The following USP43 variants were observed in gnomAD, a reference collection of about 807,000 sequenced individuals.
USP43 encodes the protein ubiquitin carboxyl-terminal hydrolase 43.
In USP43, 33 loss-of-function variants were observed where a neutral mutation model predicts 90.7. The ratio of observed to expected loss-of-function variants is 0.36; its 90% CI spans 0.28 to 0.49. The LOEUF (loss-of-function observed/expected upper bound fraction) is 0.49. Among genes scored for constraint, USP43 ranks in the 20% least tolerant of loss-of-function variants. USP43 has a pLI of 0.98. For synonymous variants in USP43, 598 were observed against 615.8 expected (o/e 0.97, Z 0.43); for missense variants, 1,274 against 1,476.4 (o/e 0.86, Z 2.25).
At position 9,674,586 on chromosome 17, in the gene USP43, A is replaced by C. The variant is rs1913644531; in HGVS notation, c.741-305A>C. Among the ~76,000 whole-genome samples the C allele has an allele frequency of 6.6e-6, 1 of 152,170 alleles. No homozygotes were observed. Among genetic ancestry groups the C allele is most frequent in the South Asian group, 2.1e-4 (1 of 4,828 alleles). Reference sequence around the variant, plus strand: ...TGTTTTCAAGGTTCATCCACGTTGTAGTATGGACCAGGGGTTCATTCCTTT... The same window carrying C: ...TGTTTTCAAGGTTCATCCACGTTGTCGTATGGACCAGGGGTTCATTCCTTT... On this transcript the variant is annotated intron_variant, in intron 3 of 14. Coordinates refer to ENST00000285199, the MANE Select transcript of USP43 (RefSeq NM_153210.5). This position sits in a 1 kb window ranked among gnomAD's most constrained non-coding sequence, Gnocchi z 4.4.
chr17:9,665,139 A>G (rs1276823987), intron 2 of USP43, among the ~76,000 whole-genome samples: 1 of 152,138 alleles, frequency 6.6e-6, no homozygotes, highest in African/African-American at 2.4e-5. Context: ...GAAAGGTCAT[A>G]TAACTCATTT....
At chr17:9,720,197 G>A (rs1362914395) in intron 14 of USP43, among the ~76,000 whole-genome samples, 4 of 151,036 alleles carry the variant, frequency 2.6e-5, no homozygotes, top group African/African-American at 9.7e-5. Flanking sequence ...ATGGTGGTGT[G>A]TGCCTGTAGT....
intron 3 of USP43, 33 bp downstream of exon 3, chr17:9,666,784 C>G: frequency 6.5e-7 from 1 of 1,538,074 alleles, no homozygotes; most frequent in Non-Finnish European, 8.9e-7. Flanking sequence ...ATGTATCACC[C>G]GAGGGCTCCG....
chr17:9,656,418 T>C lies in USP43; in HGVS notation c.520T>C (p.Tyr174His), dbSNP rs1912249689. The part of the protein sequence containing the change: ...SAEFKNAVSK[Y>H]GSQFQGNSQH... Reference sequence around the variant, plus strand: ...TTCCTTTCAGAATGCAGTTTCCAAGTACGGCTCTCAGTTCCAAGGCAATTC... The same window carrying C: ...TTCCTTTCAGAATGCAGTTTCCAAGCACGGCTCTCAGTTCCAAGGCAATTC... The change falls in exon 2 of 15, where the codon TAC (tyrosine) becomes CAC (histidine). Residue 174 changes from tyrosine to histidine, a missense_variant. By Grantham distance (83) the Tyr-to-His change is moderately conservative (BLOSUM62 2). Coordinates refer to ENST00000285199, the MANE Select transcript of USP43 (RefSeq NM_153210.5). The C allele has an allele frequency of 3.1e-6, 5 of 1,611,050 alleles. No homozygotes were observed. In the African/African-American group the frequency reaches 6.7e-5, roughly 22 times the overall value.
In USP43 at chr17:9,728,160, T is replaced by C. The variant is rs914339160; in HGVS notation, c.2542T>C (p.Ser848Pro). 1.9e-6 allele frequency: 3 copies of C among 1,613,804 alleles called. No homozygotes were observed. In the African/African-American group the frequency reaches 4.0e-5, roughly 22 times the overall value. ...ACGAAGACCTCGGTCCACGAGCCAG[T>C]CCATTGTGTCGCTGTTGACGGGCAC... ...SRRRPRSTSQ[S>P]IVSLLTGTAG... The change falls in exon 15 of 15, where the codon TCC (serine) becomes CCC (proline). Residue 848 changes from serine to proline, a missense_variant. By Grantham distance (74) the Ser-to-Pro change is moderately conservative. Transcript: ENST00000285199. This position sits in a 1 kb window ranked among gnomAD's most constrained non-coding sequence, Gnocchi z 6.2.
chr17:9,662,092 A>G (rs1326442576), intron 2 of USP43, among the ~76,000 whole-genome samples: 2 of 152,214 alleles, frequency 1.3e-5, no homozygotes, highest in South Asian at 2.1e-4. Context: ...AAATGTTTTC[A>G]GTCTTTGGCC....
chr17:9,654,637 G>A (rs1189446904), intron 1 of USP43, among the ~76,000 whole-genome samples: 2 of 144,040 alleles, frequency 1.4e-5, no homozygotes, highest in African/African-American at 2.6e-5. Flanking sequence ...CAACAAGAGT[G>A]AAACACTGTC....
At position 9,682,932 on chromosome 17, in the gene USP43, G is replaced by A. The variant is rs757614700; in HGVS notation, c.1215G>A (p.Leu405=). ...ESKVLILFCN[L]VGSGQQASRF... ...AGGTGCTAATCCTCTTCTGTAACTT[G>A]GTGGGGTCAGGGCAGCAGGCTAGCA... Residue 405 remains leucine, a synonymous_variant, in exon 7 of 15, where the codon TTG becomes TTA. Coordinates refer to ENST00000285199, the MANE Select transcript of USP43 (RefSeq NM_153210.5). The A allele has an allele frequency of 6.2e-7, 1 of 1,613,940 alleles. No individual in the cohort carries two copies.
At chr17:9,696,283 A>T (rs1915259907) in intron 9 of USP43, among the ~76,000 whole-genome samples, 1 of 152,022 alleles carries the variant, frequency 6.6e-6, no homozygotes, top group African/African-American at 2.4e-5. Flanking sequence ...ACAGGTGCAC[A>T]CTGCCACCCC....
At chr17:9,693,827 G>A (rs1442594479) in intron 9 of USP43, among the ~76,000 whole-genome samples, 1 of 152,204 alleles carries the variant, frequency 6.6e-6, no homozygotes, top group East Asian at 1.9e-4. Flanking sequence ...GACAGAGCAA[G>A]ACTCCATCTC....
chr17:9,709,332 C>T lies in USP43; in HGVS notation c.2012-624C>T, dbSNP rs111986675. Among the ~76,000 whole-genome samples the T allele has an allele frequency of 1.9e-3, 284 of 152,172 alleles. 1 individual carries two copies. The highest frequency in any genetic ancestry group is 3.2e-3 in the Non-Finnish European group (216 of 68,018). ...AGCTTCTCAGAAGAAATGGGGTGAA[C>T]GCTGACATTATTGTTTGGCTACCTA... On this transcript the variant is annotated intron_variant, in intron 12 of 14. Transcript: ENST00000285199. This position sits in a 1 kb window ranked among gnomAD's most constrained non-coding sequence, Gnocchi z 5.0.
chr17:9,706,544 C>T (rs1025951001), intron 12 of USP43, among the ~76,000 whole-genome samples: 1 of 151,562 alleles, frequency 6.6e-6, no homozygotes, highest in Non-Finnish European at 1.5e-5. Context: ...ACTTTATCCT[C>T]CGGGAGTTGC....
chr17:9,729,040 G>A lies in USP43; in HGVS notation c.*50G>A, dbSNP rs1231764859. On this transcript the variant is annotated 3_prime_UTR_variant, in exon 15 of 15. Transcript: ENST00000285199. ...GCTGGCATTCTTGGGACTTTGCCAAGCAACTGTAGGCAGCTCATGTTGAGA... is the reference window on the plus strand; with the variant it reads ...GCTGGCATTCTTGGGACTTTGCCAAACAACTGTAGGCAGCTCATGTTGAGA... The A allele has an allele frequency of 6.2e-6, 9 of 1,454,222 alleles. No individual in the cohort carries two copies. The highest frequency in any genetic ancestry group is 1.4e-5 in the African/African-American group (1 of 69,702). 90.1% of individuals were successfully genotyped at this position (1,454,222 alleles called of 1,614,324 possible).
chr17:9,725,127 G>C (rs1917193217), intron 14 of USP43, among the ~76,000 whole-genome samples: 1 of 152,198 alleles, frequency 6.6e-6, no homozygotes, highest in Non-Finnish European at 1.5e-5. Flanking sequence ...CGGTGTGGAG[G>C]GGGTGTCAGG....
At chr17:9,693,646 G>A (rs1204546532) in intron 9 of USP43, among the ~76,000 whole-genome samples, 1 of 152,018 alleles carries the variant, frequency 6.6e-6, no homozygotes, top group Non-Finnish European at 1.5e-5. Context: ...GACCAGTCTG[G>A]CCAACATGGT....
chr17:9,677,733 T>A lies in USP43; in HGVS notation c.969+852T>A, dbSNP rs144929296. The stretch of plus-strand genomic sequence containing the variant: ...ACATGGAAATTGACACTTCCCTGAC[T>A]ATCTCATGGGATTTTTTCAAATCAA... On this transcript the variant is annotated intron_variant, in intron 5 of 14. Coordinates refer to ENST00000285199, the MANE Select transcript of USP43 (RefSeq NM_153210.5). Among the ~76,000 whole-genome samples, 77 of 152,342 alleles carry A rather than the reference T, an allele frequency of 5.1e-4. 1 individual carries two copies. In the Middle Eastern group the frequency reaches 0.01, roughly 20 times the overall value.
chr17:9,725,056 C>T (rs1917188667), intron 14 of USP43, among the ~76,000 whole-genome samples: 1 of 152,094 alleles, frequency 6.6e-6, no homozygotes, highest in Middle Eastern at 3.2e-3. Context: ...TCAAGGTGGC[C>T]ACACAGGGAC....
At position 9,674,998 on chromosome 17, in the gene USP43, C is replaced by T. The variant is rs753955921; in HGVS notation, c.833+15C>T. On this transcript the variant is annotated intron_variant, in intron 4 of 14. Transcript: ENST00000285199. The surrounding 1 kb of genome is among the most constrained non-coding windows in gnomAD (Gnocchi z 4.4). Reference sequence around the variant, plus strand: ...CGCCAGACGAGGTACGTGAGTGTCGCGGCTTGCCCGGTGAACTTGACTTCC... The same window carrying T: ...CGCCAGACGAGGTACGTGAGTGTCGTGGCTTGCCCGGTGAACTTGACTTCC... The T allele has an allele frequency of 6.9e-5, 111 of 1,607,712 alleles. 1 individual carries two copies. Among genetic ancestry groups the T allele is most frequent in the East Asian group, 3.6e-4 (16 of 44,862 alleles).
intron 12 of USP43, among the ~76,000 whole-genome samples, chr17:9,708,025 A>G (rs1915982545): frequency 6.6e-6 from 1 of 152,254 alleles, no homozygotes; most frequent in African/African-American, 2.4e-5. Flanking sequence ...TGTCACATGT[A>G]GGCTCAGAGC....
Sources: gnomAD v4.1 joint callset for allele counts (sites outside exome capture counted in the v4.1 genomes callset) on GRCh38, gnomAD v4.1.1 for gene constraint, Gnocchi (gnomAD v3.1) non-coding constraint, MANE v1.5 for transcripts, NCBI Gene and HGNC (gene_info 2026-07-23, HGNC 2026-07-21) for gene names.